The following TRANK1 variants were observed in gnomAD, a reference collection of about 807,000 sequenced individuals.
The protein encoded by TRANK1 is tetratricopeptide repeat and ankyrin repeat containing 1.
In TRANK1, 198 loss-of-function variants were observed where a neutral mutation model predicts 266.0. The ratio of observed to expected loss-of-function variants is 0.74; its 90% CI spans 0.66 to 0.84. TRANK1 has a LOEUF of 0.84. Among genes scored for constraint, TRANK1 ranks in the 40% least tolerant of loss-of-function variants. TRANK1 has a pLI of 0.00. For missense variants in TRANK1, 3,326 were observed against 3,634.6 expected (o/e 0.92, Z 2.18); for synonymous variants, 1,396 against 1,384.1 (o/e 1.01, Z -0.19).
chr3:36,909,500 A>C (rs1044125217), intron 1 of TRANK1, among the ~76,000 whole-genome samples: 1 of 152,200 alleles, frequency 6.6e-6, no homozygotes, highest in African/African-American at 2.4e-5. Context: ...CTTCCTCTCA[A>C]GATGGCAGAG....
chr3:36,897,980 C>G (rs905145298), intron 4 of TRANK1, among the ~76,000 whole-genome samples: 1 of 152,236 alleles, frequency 6.6e-6, no homozygotes, highest in African/African-American at 2.4e-5. Context: ...AAAGCTTCCC[C>G]TCCCTGCTAG....
chr3:36,944,128 G>T (rs540131567), intron 1 of TRANK1, among the ~76,000 whole-genome samples: 1 of 152,132 alleles, frequency 6.6e-6, no homozygotes, highest in Non-Finnish European at 1.5e-5. Flanking sequence ...GTTCGGAAAC[G>T]CTCCGAGGCA....
At chr3:36,942,314 C>T (rs2080506886) in intron 1 of TRANK1, among the ~76,000 whole-genome samples, 1 of 152,004 alleles carries the variant, frequency 6.6e-6, no homozygotes, top group African/African-American at 2.4e-5. Flanking sequence ...TTGGTAATGA[C>T]TAACAAGTGA....
chr3:36,869,957 C>A (rs901591550), intron 9 of TRANK1, among the ~76,000 whole-genome samples: 1 of 152,184 alleles, frequency 6.6e-6, no homozygotes, highest in Non-Finnish European at 1.5e-5. Context: ...AGGTTTTAAA[C>A]TTTGTGCCAT....
chr3:36,903,799 G>A (rs2079920364), intron 2 of TRANK1, among the ~76,000 whole-genome samples: 1 of 152,228 alleles, frequency 6.6e-6, no homozygotes, highest in African/African-American at 2.4e-5. Flanking sequence ...GGCAGGGATG[G>A]CTCTGGCCTT....
chr3:36,908,866 A>G lies in TRANK1; in HGVS notation c.24-412T>C, dbSNP rs115918936. Among the ~76,000 whole-genome samples the G allele has an allele frequency of 4.5e-3, 692 of 152,304 alleles. 5 individuals are homozygous for G. The highest frequency in any genetic ancestry group is 0.016 in the African/African-American group (653 of 41,548). Reference sequence around the variant, plus strand: ...TGAGGAAACTGAGGCTCAGAGGTTCAAGTCACTTGCCTAAAAATCTGCTGA... The same window carrying G: ...TGAGGAAACTGAGGCTCAGAGGTTCGAGTCACTTGCCTAAAAATCTGCTGA... On this transcript the variant is annotated intron_variant, in intron 1 of 23. Transcript: ENST00000645898.
Position 36,878,021 on chromosome 3 carries a change from A to C in TRANK1, c.908-3725T>G, listed in dbSNP as rs1042727948. On this transcript the variant is annotated intron_variant, in intron 8 of 23. Transcript: ENST00000645898. ...GAAAAAACATGCGAGTCAATAGTTT[A>C]GATCAGGGGTCCCCAACCCCCCAGG... Among the ~76,000 whole-genome samples the C allele has an allele frequency of 5.5e-5, 8 of 146,390 alleles. No individual in the cohort carries two copies. The East Asian group carries it at 1.5e-3, about 27-fold the overall frequency.
intron 1 of TRANK1, 38 bp from the exon 2 acceptor site, chr3:36,908,492 G>A (rs1156584111): frequency 4.1e-6 from 5 of 1,232,026 alleles, no homozygotes; most frequent in East Asian, 3.2e-5. Context: ...TGCCAGACCC[G>A]TGCAGGGCAT....
chr3:36,841,422 T>C (rs2078843158), intron 18 of TRANK1, among the ~76,000 whole-genome samples: 1 of 152,118 alleles, frequency 6.6e-6, no homozygotes, highest in Admixed American at 6.5e-5. Context: ...GTGCCTGGGG[T>C]AGAGAAATCT....
chr3:36,855,442 A>G lies in TRANK1; in HGVS notation c.4280T>C (p.Leu1427Pro). The change falls in exon 13 of 24, where the codon CTC becomes CCC. Residue 1427 changes from leucine to proline, a missense_variant. By Grantham distance (98) the Leu-to-Pro change is moderately conservative. Transcript: ENST00000645898. ...ISRRLSKLRV[L>P]PWSIHELYGD... ...ATAGAGCTCGTGGATGGACCATGGG[A>G]GCACCCTGAGCTTCGACAGCCTCCG... 1.2e-6 allele frequency: 2 copies of G among 1,613,980 alleles called. No individual in the cohort carries two copies. The highest frequency in any genetic ancestry group is 1.7e-6 in the Non-Finnish European group (2 of 1,179,886).
chr3:36,927,606 A>C (rs2080305731), intron 1 of TRANK1, among the ~76,000 whole-genome samples: 1 of 152,062 alleles, frequency 6.6e-6, no homozygotes, highest in South Asian at 2.1e-4. Flanking sequence ...TGCTCTAATA[A>C]ATCTGCCCTT....
At chr3:36,841,764 T>G (rs974838922) in intron 18 of TRANK1, among the ~76,000 whole-genome samples, 3 of 152,158 alleles carry the variant, frequency 2.0e-5, no homozygotes, top group African/African-American at 7.2e-5. Context: ...CAGGAGCCAT[T>G]AGGCAACCAA....
intron 1 of TRANK1, among the ~76,000 whole-genome samples, chr3:36,928,157 T>C (rs1218251472): frequency 6.6e-6 from 1 of 152,156 alleles, no homozygotes; most frequent in Non-Finnish European, 1.5e-5. Context: ...ATCTACTTGT[T>C]CCCTTGAAAA....
chr3:36,896,909 G>A (rs796674075), intron 4 of TRANK1, among the ~76,000 whole-genome samples: 36 of 152,216 alleles, frequency 2.4e-4, no homozygotes, highest in African/African-American at 7.0e-4. Context: ...CAGGAGAATC[G>A]CTTGAACCCA....
chr3:36,854,374 A>AAAAAG (rs2079023409), intron 13 of TRANK1, among the ~76,000 whole-genome samples: 1 of 149,956 alleles, frequency 6.7e-6, no homozygotes, highest in South Asian at 2.1e-4. Context: ...AAACAAAAAA[A>AAAAAG]AAAGAAAGAA....
intron 8 of TRANK1, among the ~76,000 whole-genome samples, chr3:36,884,277 C>T (rs1013267395): frequency 6.6e-6 from 1 of 152,206 alleles, no homozygotes; most frequent in South Asian, 2.1e-4. Flanking sequence ...AACAATGACA[C>T]TCCGCTTCGC....
At position 36,863,076 on chromosome 3, in the gene TRANK1, C is replaced by T. The variant is rs550241559; in HGVS notation, c.1240+1243G>A. Among the ~76,000 whole-genome samples the T allele has an allele frequency of 2.2e-4, 34 of 152,152 alleles. No homozygotes were observed. In the South Asian group the frequency reaches 7.1e-3, roughly 32 times the overall value. ...TTGGGTGGTTTAGAGACCCACTCAG[C>T]TCTGGAAGACAGTTGAGGGAGAGAC... On this transcript the variant is annotated intron_variant, in intron 10 of 23. Transcript: ENST00000645898.
In TRANK1 at chr3:36,838,682, A is replaced by AAAAAGGG. The variant is rs757225117; in HGVS notation, c.5314_5315insCCCTTTT (p.Phe1772SerfsTer4). ...GGCCAGGGCCAACTTCTCCTTCTCA[A>AAAAAGGG]ATGCACCTCCTTTCTGGTAACACTT... On this transcript the variant is annotated frameshift_variant, in exon 19 of 24. Transcript: ENST00000645898. LOFTEE classifies it high-confidence loss of function. 4 of 1,613,766 alleles carry AAAAAGGG rather than the reference A, an allele frequency of 2.5e-6. No homozygotes were observed. The highest frequency in any genetic ancestry group is 3.4e-6 in the Non-Finnish European group (4 of 1,179,816).
chr3:36,945,699 A>G (rs1218446135), upstream of TRANK1, among the ~76,000 whole-genome samples: 1 of 152,142 alleles, frequency 6.6e-6, no homozygotes, highest in East Asian at 1.9e-4. Context: ...TTCTCGGCCT[A>G]GGGAGCCGGT....
Sources: allele counts gnomAD v4.1 joint callset (sites outside exome capture counted in the v4.1 genomes callset), GRCh38; gene constraint gnomAD v4.1.1; transcripts MANE v1.5; gene names NCBI Gene and HGNC (gene_info 2026-07-23, HGNC 2026-07-21).